DIPK1A: variants seen among roughly 807,000 people sequenced by gnomAD.
DIPK1A encodes divergent protein kinase domain 1A.
A neutral mutation model predicts 40.8 loss-of-function variants in DIPK1A; 27 were observed. The ratio of observed to expected loss-of-function variants is 0.66; its 90% CI spans 0.49 to 0.91. The LOEUF (loss-of-function observed/expected upper bound fraction) is 0.91. Among genes scored for constraint, DIPK1A ranks in the 40% least tolerant of loss-of-function variants. The pLI is 0.00. For missense variants in DIPK1A, 412 were observed against 505.7 expected (o/e 0.81, Z 1.78); for synonymous variants, 166 against 171.3 (o/e 0.97, Z 0.24).
At position 92,842,491 on chromosome 1, in the gene DIPK1A, GATAA is replaced by G. The variant is rs754224559; in HGVS notation, c.*888_*891del. Reference sequence around the variant, plus strand: ...AGTTTACATGGGGAAAAAAACATTAGATAAATAAATACATTTACATGCCTCTTTA... The same window carrying G: ...AGTTTACATGGGGAAAAAAACATTAGATAAATACATTTACATGCCTCTTTA... On this transcript the variant is annotated 3_prime_UTR_variant, in exon 5 of 5. Transcript: ENST00000370310. The G allele has an allele frequency of 6.5e-5, 64 of 978,808 alleles. No individual in the cohort carries two copies. Among genetic ancestry groups the G allele is most frequent in the East Asian group, 1.1e-4 (1 of 8,768 alleles). The allele number at this position is 978,808 out of a possible 1,614,324, so 60.6% of individuals were successfully genotyped here.
At chr1:92,942,798 G>A (rs919830248) in intron 1 of DIPK1A, among the ~76,000 whole-genome samples, 1 of 152,098 alleles carries the variant, frequency 6.6e-6, no homozygotes, top group Non-Finnish European at 1.5e-5. Flanking sequence ...CGAGTAGCTG[G>A]GATTACAGGC....
At chr1:92,943,088 A>T (rs1651229295) in intron 1 of DIPK1A, among the ~76,000 whole-genome samples, 1 of 152,240 alleles carries the variant, frequency 6.6e-6, no homozygotes, top group South Asian at 2.1e-4. Context: ...AAGATGGTAG[A>T]CTAAAGATAC....
intron 1 of DIPK1A, among the ~76,000 whole-genome samples, chr1:92,895,822 C>A (rs1332544537): frequency 2.0e-5 from 3 of 152,062 alleles, no homozygotes; most frequent in Admixed American, 1.3e-4. Flanking sequence ...GATACAAAAT[C>A]AATGTGCAAA....
rs1037835589 is a variant in DIPK1A at position 92,844,037 on chromosome 1, A to G, written c.633T>C (p.Asp211=). The change falls in exon 5 of 5, where the codon GAT becomes GAC. Residue 211 remains aspartate, a synonymous_variant. Coordinates refer to ENST00000370310, the MANE Select transcript of DIPK1A (RefSeq NM_001006605.5). ...CCATTAATTTGGGGGTATGTTCTTTATCTTGAAGTATCACCATGAGAAGAA... is the reference window on the plus strand; with the variant it reads ...CCATTAATTTGGGGGTATGTTCTTTGTCTTGAAGTATCACCATGAGAAGAA... ...NEFLLMVILQ[D]KEHTPKLMGF... 1 of 1,552,016 alleles carries G rather than the reference A, an allele frequency of 6.4e-7. No homozygotes were observed. Among genetic ancestry groups the G allele is most frequent in the African/African-American group, 1.4e-5 (1 of 73,064 alleles).
chr1:92,890,614 T>C (rs1648822512), intron 1 of DIPK1A, among the ~76,000 whole-genome samples: 2 of 152,230 alleles, frequency 1.3e-5, no homozygotes, highest in African/African-American at 4.8e-5. Flanking sequence ...TGATGTATCA[T>C]ATTTACTGAT....
chr1:92,952,638 CA>C lies in DIPK1A; in HGVS notation c.54+8737del, dbSNP rs1301294033. 7.9e-5 allele frequency among the ~76,000 whole-genome samples: 12 copies of C among 152,210 alleles called. No individual in the cohort carries two copies. The East Asian group carries it at 1.2e-3, about 15-fold the overall frequency. ...AAGACTTTGCCTGAAAAAAACACTA[CA>C]GTTTATATTTTCTGAAAACCAGAAC... On this transcript the variant is annotated intron_variant, in intron 1 of 4. Transcript: ENST00000370310.
chr1:92,834,163 TAGA>T (rs1687025775), intron 4 of DIPK1A, among the ~76,000 whole-genome samples: 5 of 152,308 alleles, frequency 3.3e-5, no homozygotes, highest in South Asian at 4.1e-4. Context: ...CCAATTCCAG[TAGA>T]AGAATAGGGT....
intron 3 of DIPK1A, 73 bp downstream of exon 3, chr1:92,850,775 T>A: frequency 2.2e-6 from 2 of 917,650 alleles, no homozygotes; most frequent in East Asian, 5.3e-5. Flanking sequence ...AGAATTCTTT[T>A]AATAATGCCT....
intron 1 of DIPK1A, among the ~76,000 whole-genome samples, chr1:92,920,947 G>T (rs1459356080): frequency 6.6e-6 from 1 of 152,156 alleles, no homozygotes; most frequent in Non-Finnish European, 1.5e-5. Context: ...GAGGTGTGGG[G>T]CATGGTATCT....
At chr1:92,881,159 C>A (rs1447639520) in intron 1 of DIPK1A, among the ~76,000 whole-genome samples, 1 of 103,206 alleles carries the variant, frequency 9.7e-6, no homozygotes, top group Non-Finnish European at 1.7e-5. Flanking sequence ...GGTGACAGAG[C>A]GAGACTCGGT....
intron 1 of DIPK1A, among the ~76,000 whole-genome samples, chr1:92,952,803 C>CATAG (rs1320056514): frequency 6.6e-6 from 1 of 151,148 alleles, no homozygotes; most frequent in African/African-American, 2.4e-5. Flanking sequence ...ATGAAAGGTA[C>CATAG]ATAGGATGGC....
chr1:92,854,067 TG>T (rs1325797960), intron 2 of DIPK1A, among the ~76,000 whole-genome samples: 5 of 152,182 alleles, frequency 3.3e-5, no homozygotes, highest in African/African-American at 9.7e-5. Context: ...TTTAATTTTT[TG>T]TAGAGATGGG....
rs181164191 is a variant in DIPK1A, at chr1:92,937,224, G to T, written c.54+24152C>A. On this transcript the variant is annotated intron_variant, in intron 1 of 4. Transcript: ENST00000370310. ...ATCTGTAATCCCAGCACTTTGGGAG[G>T]CTGAAGCGGGCAGATTACCTGAGGT... is the stretch of plus-strand genomic sequence containing the variant. Among the ~76,000 whole-genome samples, 14 of 152,178 alleles carry T rather than the reference G, an allele frequency of 9.2e-5. No individual in the cohort carries two copies. In the East Asian group the frequency reaches 2.5e-3, roughly 27 times the overall value.
intron 1 of DIPK1A, among the ~76,000 whole-genome samples, chr1:92,898,649 T>G (rs900188446): frequency 5.3e-5 from 8 of 152,114 alleles, no homozygotes; most frequent in African/African-American, 1.9e-4. Context: ...TAATTTTTAT[T>G]TGTTTACGGT....
At chr1:92,871,605 C>A (rs1438308549) in intron 2 of DIPK1A, among the ~76,000 whole-genome samples, 1 of 152,086 alleles carries the variant, frequency 6.6e-6, no homozygotes, top group Non-Finnish European at 1.5e-5. Context: ...ATTCTTTTAT[C>A]CTACTCTGCA....
In DIPK1A at chr1:92,836,703, C is replaced by A. The variant is rs1251113107; in HGVS notation, c.475-3669G>T. The A allele has an allele frequency of 1.0e-5, 3 of 295,486 alleles. No individual in the cohort carries two copies. In the East Asian group the frequency reaches 2.3e-4, roughly 23 times the overall value. The allele number at this position is 295,486 out of a possible 1,614,324, so 18.3% of individuals were successfully genotyped here. A position where few individuals can be genotyped will look rare whatever the true frequency, so the allele number is the denominator to read the frequency against. ...AATGAGCAACTCCATCCTCTTTCCC[C>A]ATGCACTTTCTTTTTTCAATCAGAA... On this transcript the variant is annotated intron_variant, in intron 4 of 4. Coordinates refer to the DIPK1A transcript ENST00000615519.
chr1:92,961,326 C>A (rs1298741633), intron 1 of DIPK1A, 50 bp downstream of exon 1: 1 of 1,406,086 alleles, frequency 7.1e-7, no homozygotes, highest in Non-Finnish European at 9.6e-7. Context: ...CGCGGCAGGG[C>A]ACACGGCCGG....
At chr1:92,897,995 A>C (rs879474980) in intron 1 of DIPK1A, among the ~76,000 whole-genome samples, 4 of 152,084 alleles carry the variant, frequency 2.6e-5, no homozygotes, top group African/African-American at 7.2e-5. Flanking sequence ...GCTACTTGGG[A>C]GGCTGAGGCA....
intron 2 of DIPK1A, among the ~76,000 whole-genome samples, chr1:92,855,295 C>G (rs1023007907): frequency 1.1e-4 from 16 of 152,024 alleles, no homozygotes; most frequent in Non-Finnish European, 1.5e-4. Context: ...AAAATTATAG[C>G]AATTTCCAAA....
Sources: allele counts gnomAD v4.1 joint callset (sites outside exome capture counted in the v4.1 genomes callset), GRCh38; gene constraint gnomAD v4.1.1; transcripts MANE v1.5; gene names NCBI Gene and HGNC (gene_info 2026-07-23, HGNC 2026-07-21).